The following TDRD9 variants were observed in gnomAD, a reference collection of about 807,000 sequenced individuals.
TDRD9 encodes the protein tudor domain containing 9, also known as ATP-dependent RNA helicase TDRD9.
TDRD9 carries 124 observed loss-of-function variants against 172.6 expected under a neutral mutation model. The ratio of observed to expected loss-of-function variants is 0.72; its 90% CI spans 0.62 to 0.83. The LOEUF (loss-of-function observed/expected upper bound fraction) is 0.83, where lower values mean the gene tolerates loss of function less well. Ranked by LOEUF, TDRD9 falls within the 40% of genes least tolerant of loss-of-function variation. The pLI is 0.00. For synonymous variants in TDRD9, 619 were observed against 617.1 expected (o/e 1.00, Z -0.05); for missense variants, 1,479 against 1,714.1 (o/e 0.86, Z 2.42).
At chr14:103,969,273 A>G (rs1595928055) in intron 5 of TDRD9, among the ~76,000 whole-genome samples, 1 of 150,534 alleles carries the variant, frequency 6.6e-6, no homozygotes, top group Admixed American at 6.7e-5. Flanking sequence ...GTGTATGTTT[A>G]TGTGTTAGAA....
At chr14:103,991,294 C>A in intron 9 of TDRD9, 70 bp downstream of exon 9, 1 of 1,502,094 alleles carries the variant, frequency 6.7e-7, no homozygotes, top group Non-Finnish European at 9.2e-7. Context: ...GTGCCTAACA[C>A]AGATTATGAA....
intron 1 of TDRD9, among the ~76,000 whole-genome samples, chr14:103,952,218 ATATTTT>A (rs2031951759): frequency 3.2e-4 from 14 of 44,094 alleles, no homozygotes; most frequent in South Asian, 1.7e-3. Flanking sequence ...ATATATATAT[ATATTTT>A]TTTTTTTTTT....
At chr14:103,955,621 G>A in intron 1 of TDRD9, 43 bp from the exon 2 acceptor site, 1 of 1,485,402 alleles carries the variant, frequency 6.7e-7, no homozygotes, top group Non-Finnish European at 9.1e-7. Flanking sequence ...AGGGTTTCTT[G>A]GCTTTTTGGA....
intron 1 of TDRD9, chr14:103,941,735 A>G: frequency 7.2e-7 from 1 of 1,387,480 alleles, no homozygotes; most frequent in Non-Finnish European, 9.6e-7. Flanking sequence ...TTATTTGCTC[A>G]AAATGTTATG....
intron 31 of TDRD9, among the ~76,000 whole-genome samples, chr14:104,034,411 T>C (rs1017053504): frequency 2.6e-4 from 39 of 152,176 alleles, no homozygotes; most frequent in African/African-American, 7.5e-4. Flanking sequence ...AGGATAGTCT[T>C]GATCTCCTGA....
At chr14:104,022,462 T>C in intron 24 of TDRD9, 132 bp downstream of exon 24, 1 of 916,974 alleles carries the variant, frequency 1.1e-6, no homozygotes, top group Non-Finnish European at 1.6e-6. Flanking sequence ...GTGTGGGGGC[T>C]CACGCCACTC....
chr14:103,935,341 A>G (rs1306258880), intron 1 of TDRD9, among the ~76,000 whole-genome samples: 3 of 152,144 alleles, frequency 2.0e-5, no homozygotes, highest in Non-Finnish European at 2.9e-5. Context: ...ACATGTTCTT[A>G]AGCTAGAGGC....
chr14:103,929,729 A>C (rs1044140550), intron 1 of TDRD9, among the ~76,000 whole-genome samples: 2 of 152,218 alleles, frequency 1.3e-5, no homozygotes, highest in Non-Finnish European at 2.9e-5. Flanking sequence ...CATGTTGGCC[A>C]GGCTAGTCTA....
chr14:104,023,242 A>AG (rs2035020224), intron 24 of TDRD9, among the ~76,000 whole-genome samples: 1 of 141,468 alleles, frequency 7.1e-6, no homozygotes, highest in African/African-American at 2.5e-5. Context: ...GGCTGTTGAG[A>AG]GGATTGAGTG....
chr14:103,975,074 A>G (rs1164157411), intron 6 of TDRD9, among the ~76,000 whole-genome samples: 1 of 151,976 alleles, frequency 6.6e-6, no homozygotes. Context: ...ATCTTTGTTT[A>G]CCTGGGCCTT....
chr14:103,934,793 A>G (rs2030646762), intron 1 of TDRD9, among the ~76,000 whole-genome samples: 1 of 152,208 alleles, frequency 6.6e-6, no homozygotes, highest in Admixed American at 6.5e-5. Context: ...TGGGGCAAGG[A>G]CAGGAGCAGG....
chr14:103,947,947 A>T (rs1030404809), intron 1 of TDRD9, among the ~76,000 whole-genome samples: 1 of 152,244 alleles, frequency 6.6e-6, no homozygotes, highest in African/African-American at 2.4e-5. Flanking sequence ...TTTGCAAATC[A>T]TGTATCTGAA....
chr14:103,962,523 A>G (rs954811118), intron 2 of TDRD9, among the ~76,000 whole-genome samples: 3 of 152,172 alleles, frequency 2.0e-5, no homozygotes, highest in Non-Finnish European at 4.4e-5. Flanking sequence ...GTGCATGTTC[A>G]GGTTTGTTAC....
intron 2 of TDRD9, among the ~76,000 whole-genome samples, chr14:103,957,657 T>C (rs1450665534): frequency 1.3e-5 from 2 of 152,140 alleles, no homozygotes; most frequent in Non-Finnish European, 2.9e-5. Context: ...GCCGTATGTG[T>C]TATTGTGGAA....
Position 104,022,367 on chromosome 14 carries a change from T to G in TDRD9, c.2606+37T>G, listed in dbSNP as rs57686592. 518 of 1,588,874 alleles carry G rather than the reference T, an allele frequency of 3.3e-4. No individual in the cohort carries two copies. The African/African-American group carries it at 6.1e-3, about 19-fold the overall frequency. On this transcript the variant is annotated intron_variant, in intron 24 of 35. Coordinates refer to ENST00000409874, the MANE Select transcript of TDRD9 (RefSeq NM_153046.3). Reference sequence around the variant, plus strand: ...AGGGAGGTGGCAGACAGGCCGTGCCTGCTTTCACATTCTCAGGTGCTATTT... The same window carrying G: ...AGGGAGGTGGCAGACAGGCCGTGCCGGCTTTCACATTCTCAGGTGCTATTT...
intron 1 of TDRD9, chr14:103,939,743 G>GTTTTTTTTTTTTTTTTTTTTTTTTT (rs371934680): frequency 1.1e-4 from 2 of 17,460 alleles, no homozygotes; most frequent in Non-Finnish European, 2.4e-4. Context: ...GAAAAAAAGT[G>GTTTTTTTTTTTTTTTTTTTTTTTTT]TTTTTTTTTT....
intron 7 of TDRD9, among the ~76,000 whole-genome samples, chr14:103,983,654 T>TC (rs751313499): frequency 6.6e-6 from 1 of 152,224 alleles, no homozygotes; most frequent in Non-Finnish European, 1.5e-5. Flanking sequence ...AAGATGCTTG[T>TC]GTAGTTGTGG....
intron 1 of TDRD9, among the ~76,000 whole-genome samples, chr14:103,938,432 A>ATTTTTTTTTTTTTT (rs1343962171): frequency 5.4e-5 from 2 of 37,168 alleles, no homozygotes; most frequent in African/African-American, 2.1e-4. Context: ...ATATATATAT[A>ATTTTTTTTTTTTTT]TATATATATT....
chr14:103,963,064 T>C lies in TDRD9; in HGVS notation c.323-15T>C, dbSNP rs1207010922. The stretch of plus-strand genomic sequence containing the variant: ...AAGAAATGGCATTGTATTTGTTTGT[T>C]TTGCCTTAATCCAGGTCCAAGGCCA... On this transcript the variant is annotated splice_polypyrimidine_tract_variant and intron_variant, in intron 2 of 35. Coordinates refer to ENST00000409874, the MANE Select transcript of TDRD9 (RefSeq NM_153046.3). 1 of 1,482,848 alleles carries C rather than the reference T, an allele frequency of 6.7e-7. No homozygotes were observed. The highest frequency in any genetic ancestry group is 9.1e-7 in the Non-Finnish European group (1 of 1,097,198). The allele number at this position is 1,482,848 out of a possible 1,614,324, so 91.9% of individuals were successfully genotyped here.
Sources: allele counts gnomAD v4.1 joint callset (sites outside exome capture counted in the v4.1 genomes callset), GRCh38; gene constraint gnomAD v4.1.1; transcripts MANE v1.5; gene names NCBI Gene and HGNC (gene_info 2026-07-23, HGNC 2026-07-21).